The following TENT4A variants were observed in gnomAD, a reference collection of about 807,000 sequenced individuals.
The protein encoded by TENT4A is terminal nucleotidyltransferase 4A.
A neutral mutation model predicts 72.8 loss-of-function variants in TENT4A; 7 were observed. That is an observed-to-expected ratio of 0.10 (90% CI 0.05 to 0.18). The LOEUF is 0.18. Ranked by LOEUF, TENT4A falls within the 10% of genes least tolerant of loss-of-function variation. The pLI, the probability that TENT4A is intolerant of heterozygous loss-of-function variation, is 1.00. For synonymous variants in TENT4A, 456 were observed against 434.3 expected (o/e 1.05, Z -0.62); for missense variants, 831 against 1,017.7 (o/e 0.82, Z 2.50).
At chr5:6,726,615 A>T (rs1419922565) in intron 1 of TENT4A, among the ~76,000 whole-genome samples, 1 of 152,064 alleles carries the variant, frequency 6.6e-6, no homozygotes, top group Non-Finnish European at 1.5e-5. Flanking sequence ...CAGGGTCCCA[A>T]ATAGCTGATT....
intron 1 of TENT4A, among the ~76,000 whole-genome samples, chr5:6,736,177 G>T (rs922731609): frequency 6.6e-6 from 1 of 151,878 alleles, no homozygotes; most frequent in Non-Finnish European, 1.5e-5. Context: ...GGAGTCTCTC[G>T]TGTGTGCTTG....
chr5:6,714,862 A>T (rs1740285027), intron 1 of TENT4A, 163 bp downstream of exon 1: 1 of 308,716 alleles, frequency 3.2e-6, no homozygotes, highest in Admixed American at 5.2e-5. Context: ...TTTAAACATC[A>T]GACTCATTTA....
At chr5:6,751,772 G>T (rs1321416000) in intron 11 of TENT4A, among the ~76,000 whole-genome samples, 1 of 152,168 alleles carries the variant, frequency 6.6e-6, no homozygotes, top group African/African-American at 2.4e-5. Flanking sequence ...ATATGTGTGG[G>T]TATAAAACCC....
chr5:6,725,363 A>C (rs897782284), intron 1 of TENT4A, among the ~76,000 whole-genome samples: 7 of 152,172 alleles, frequency 4.6e-5, no homozygotes, highest in Admixed American at 3.3e-4. Flanking sequence ...TGAGTTCCAG[A>C]GAAGTGATGT....
chr5:6,713,455 A>AGAGTGTCTTTTCACCGCCGCCGC lies in TENT4A; in HGVS notation c.-528_-506dup, dbSNP rs1740188320. 7.2e-6 allele frequency: 1 copy of AGAGTGTCTTTTCACCGCCGCCGC among 138,848 alleles called. No homozygotes were observed. The highest frequency in any genetic ancestry group is 2.7e-5 in the African/African-American group (1 of 36,808). The allele number at this position is 138,848 out of a possible 1,614,324, so 8.6% of individuals were successfully genotyped here. On this transcript the variant is annotated 5_prime_UTR_variant, in exon 1 of 13. Transcript: ENST00000230859. ...TCCTTCCCCCGCGCTGTCGCCGCCG[A>AGAGTGTCTTTTCACCGCCGCCGC]GAGTGTCTTTTCACCGCCGCCGCCG...
Position 6,753,044 on chromosome 5 carries a change from C to T in TENT4A, c.2184+7C>T, listed in dbSNP as rs761632367. On this transcript the variant is annotated splice_region_variant and intron_variant, in intron 12 of 12. Coordinates refer to ENST00000230859, the MANE Select transcript of TENT4A (RefSeq NM_006999.6). ...CCCTCATCTGTATCATAAGGTATAG[C>T]TCTGTCCTGGTGCATTCACCTACCT... 3.1e-6 allele frequency: 5 copies of T among 1,610,962 alleles called. No individual in the cohort carries two copies. The highest frequency in any genetic ancestry group is 3.4e-6 in the Non-Finnish European group (4 of 1,177,438).
chr5:6,717,806 CT>C (rs1035525381), intron 1 of TENT4A, among the ~76,000 whole-genome samples: 30 of 152,230 alleles, frequency 2.0e-4, no homozygotes, highest in African/African-American at 7.0e-4. Context: ...CTCTCATCCC[CT>C]GACCCAGCAG....
At chr5:6,719,541 G>A (rs1055027413) in intron 1 of TENT4A, among the ~76,000 whole-genome samples, 2 of 152,180 alleles carry the variant, frequency 1.3e-5, no homozygotes, top group African/African-American at 4.8e-5. Context: ...TGGCTGGCTT[G>A]TCAGTGCTTT....
intron 1 of TENT4A, among the ~76,000 whole-genome samples, chr5:6,736,494 T>C (rs1222286255): frequency 6.6e-6 from 1 of 152,226 alleles, no homozygotes; most frequent in African/African-American, 2.4e-5. Context: ...CTAGGAGTCA[T>C]AGAATGGAAG....
intron 1 of TENT4A, among the ~76,000 whole-genome samples, chr5:6,719,908 C>T (rs1048494491): frequency 3.0e-4 from 46 of 152,166 alleles, no homozygotes; most frequent in Admixed American, 5.2e-4. Context: ...GGGTTCTCTG[C>T]TTAGGCTTTT....
Position 6,714,173 on chromosome 5 carries a change from C to T in TENT4A, c.190C>T (p.Leu64=). 3 of 952,552 alleles carry T rather than the reference C, an allele frequency of 3.1e-6. No homozygotes were observed. The highest frequency in any genetic ancestry group is 3.7e-6 in the Non-Finnish European group (3 of 806,794). 59.0% of individuals were successfully genotyped at this position (952,552 alleles called of 1,614,324 possible). A position where few individuals can be genotyped will look rare whatever the true frequency, so the allele number is the denominator to read the frequency against. ...AGAAGRGSGG[L]GPALPAASPP... is the part of the protein sequence containing the mutation. Reference sequence around the variant, plus strand: ...GGCGGCCGGGCGGGGCAGTGGCGGCCTGGGCCCCGCGCTGCCCGCCGCGTC... The same window carrying T: ...GGCGGCCGGGCGGGGCAGTGGCGGCTTGGGCCCCGCGCTGCCCGCCGCGTC... The change falls in exon 1 of 13, where the codon CTG becomes TTG. Residue 64 remains leucine, a synonymous_variant. Coordinates refer to ENST00000230859, the MANE Select transcript of TENT4A (RefSeq NM_006999.6).
intron 1 of TENT4A, 76 bp downstream of exon 1, chr5:6,714,775 T>C: frequency 2.0e-6 from 1 of 508,980 alleles, no homozygotes; most frequent in Non-Finnish European, 2.7e-6. Context: ...CAGACACCCG[T>C]CCCAGGCGCC....
intron 1 of TENT4A, among the ~76,000 whole-genome samples, chr5:6,730,105 G>A (rs1006979926): frequency 2.8e-4 from 42 of 150,800 alleles, no homozygotes; most frequent in Admixed American, 6.6e-4. Context: ...GCCCCCCCCC[G>A]GAGTGGCCCC....
chr5:6,742,482 C>G lies in TENT4A; in HGVS notation c.1009-8C>G. On this transcript the variant is annotated splice_polypyrimidine_tract_variant and splice_region_variant and intron_variant, in intron 4 of 12. Transcript: ENST00000230859. ...GTTAAAGCAGTTTTTAAAATGAAAT[C>G]TTTACAGGTACCAATAATAAAGCTC... is the stretch of plus-strand genomic sequence containing the variant. The G allele has an allele frequency of 6.3e-7, 1 of 1,576,778 alleles. No homozygotes were observed. Among genetic ancestry groups the G allele is most frequent in the Non-Finnish European group, 8.7e-7 (1 of 1,145,984 alleles).
Position 6,740,203 on chromosome 5 carries a change from T to A in TENT4A, c.1008+351T>A, listed in dbSNP as rs2279655. Among the ~76,000 whole-genome samples the A allele has an allele frequency of 3.7e-3, 559 of 152,102 alleles. 19 individuals are homozygous for A. The East Asian group carries it at 0.095, about 26-fold the overall frequency. ...TTCAGGTGCTGCCCATTATGGAGAG[T>A]GTGGCTCAATGATTAAACCATGGTT... is the stretch of plus-strand genomic sequence containing the variant. On this transcript the variant is annotated intron_variant, in intron 4 of 12. Coordinates refer to ENST00000230859, the MANE Select transcript of TENT4A (RefSeq NM_006999.6).
At chr5:6,733,375 A>G (rs1463423301) in intron 1 of TENT4A, among the ~76,000 whole-genome samples, 1 of 152,252 alleles carries the variant, frequency 6.6e-6, no homozygotes, top group East Asian at 1.9e-4. Flanking sequence ...GGGGGGCAGC[A>G]GGGCCCCAGG....
At position 6,748,595 on chromosome 5, in the gene TENT4A, T is replaced by C. The variant is rs1160468510; in HGVS notation, c.1586+5T>C. On this transcript the variant is annotated splice_donor_5th_base_variant and intron_variant, in intron 8 of 12. Transcript: ENST00000230859. The stretch of plus-strand genomic sequence containing the variant: ...TCCAAACAGAGACGCCGAAAGGTAA[T>C]GGGTTGTGTGTCTGCGTCTGGGCTC... The C allele has an allele frequency of 6.2e-7, 1 of 1,607,724 alleles. No individual in the cohort carries two copies. Among genetic ancestry groups the C allele is most frequent in the Non-Finnish European group, 8.5e-7 (1 of 1,174,644 alleles).
In TENT4A at chr5:6,713,658, C is replaced by T. The variant is rs1349801688; in HGVS notation, c.-326C>T. 6.8e-6 allele frequency: 1 copy of T among 146,966 alleles called. No individual in the cohort carries two copies. The highest frequency in any genetic ancestry group is 1.5e-5 in the Non-Finnish European group (1 of 65,780). 9.1% of individuals were successfully genotyped at this position (146,966 alleles called of 1,614,324 possible). ...CGGCCCGAGTGGAACGCCGCCGCCGCCGCGGCCCCCGCGCCCGCCCCGCGC... is the reference window on the plus strand; with the variant it reads ...CGGCCCGAGTGGAACGCCGCCGCCGTCGCGGCCCCCGCGCCCGCCCCGCGC... On this transcript the variant is annotated 5_prime_UTR_variant, in exon 1 of 13. Transcript: ENST00000230859.
intron 1 of TENT4A, among the ~76,000 whole-genome samples, chr5:6,722,918 T>C (rs1197089117): frequency 6.6e-6 from 1 of 152,236 alleles, no homozygotes; most frequent in African/African-American, 2.4e-5. Flanking sequence ...CCACTGGCCA[T>C]ATGTGACTTT....
Sources: allele counts gnomAD v4.1 joint callset (sites outside exome capture counted in the v4.1 genomes callset), GRCh38; gene constraint gnomAD v4.1.1; transcripts MANE v1.5; gene names NCBI Gene and HGNC (gene_info 2026-07-23, HGNC 2026-07-21).